Variants in AP4B1 observed in about 807,000 individuals in gnomAD.
The protein encoded by AP4B1 is AP-4 complex subunit beta-1.
In AP4B1, 49 loss-of-function variants were observed where a neutral mutation model predicts 76.5. That is an observed-to-expected ratio of 0.64 (90% confidence interval 0.51 to 0.81). The LOEUF is 0.81. Among genes scored for constraint, AP4B1 ranks in the 40% least tolerant of loss-of-function variants. The probability of loss-of-function intolerance (pLI) is 0.00; values close to 1 mark genes in which losing one functional copy is unlikely to be tolerated. For missense variants in AP4B1, 911 were observed against 904.9 expected (o/e 1.01, Z -0.09); for synonymous variants, 330 against 333.3 (o/e 0.99, Z 0.11).
At chr1:113,901,635 C>T (rs1668278484) in intron 3 of AP4B1, 120 bp downstream of exon 3, 1 of 1,458,892 alleles carries the variant, frequency 6.9e-7, no homozygotes, top group Non-Finnish European at 9.5e-7. Flanking sequence ...CTGCATCCTA[C>T]TTAAAGAGAT....
Position 113,900,032 on chromosome 1 carries a change from T to G in AP4B1, c.986A>C (p.Lys329Thr). ...FCSYSEPHYI[K>T]LQKVEVLCEL... ...ACACAGCACCTCCACTTTCTGTAGT[T>G]TGATGTAGTGGGGCTCCGAGTAGGA... Residue 329 changes from lysine (K) to threonine (T), a missense_variant, in exon 5 of 10, where the codon AAA becomes ACA. Physicochemically the swap from Lys to Thr is moderately conservative, Grantham distance 78. Transcript: ENST00000369569. 2 of 1,614,208 alleles carry G rather than the reference T, an allele frequency of 1.2e-6. No homozygotes were observed. The highest frequency in any genetic ancestry group is 1.7e-6 in the Non-Finnish European group (2 of 1,180,040).
At chr1:113,904,532 GAGACTGGGGCT>G in intron 1 of AP4B1, 62 bp downstream of exon 1, 1 of 1,401,210 alleles carries the variant, frequency 7.1e-7, no homozygotes, top group African/African-American at 1.4e-5. Flanking sequence ...CCCTTTCAGA[GAGACTGGGGCT>G]AGTGAGCCCT....
intron 3 of AP4B1, 55 bp from the exon 4 acceptor site, chr1:113,901,438 G>C: frequency 6.4e-7 from 1 of 1,573,844 alleles, no homozygotes; most frequent in Non-Finnish European, 8.7e-7. Flanking sequence ...GAGTAACAAG[G>C]ATGTAGCCAG....
rs976446728 is a variant in AP4B1 at position 113,902,665 on chromosome 1, A to G, written c.311T>C (p.Leu104Pro). The change falls in exon 2 of 10, where the codon CTG becomes CCG. Residue 104 changes from leucine (L) to proline (P), a missense_variant. Transcript: ENST00000369569. Reference protein sequence around the residue: ...CSDPNPMVRGLALRSMCSLRM... With the variant: ...CSDPNPMVRGPALRSMCSLRM... Reference sequence around the variant, plus strand: ...GAGGCTACACATGCTCCGTAACGCCAGCCCTCGCACCATTGGATTGGGGTC... The same window carrying G: ...GAGGCTACACATGCTCCGTAACGCCGGCCCTCGCACCATTGGATTGGGGTC... The G allele has an allele frequency of 1.2e-6, 2 of 1,613,522 alleles. No homozygotes were observed. Among genetic ancestry groups the G allele is most frequent in the African/African-American group, 2.7e-5 (2 of 74,932 alleles).
rs1308713892 is a variant in AP4B1 at position 113,894,616 on chromosome 1, G to A, written c.*449C>T. ...GAGTGGCAAGACTTGACACCAAAGA[G>A]GTACTTTAGATGACATTAAGGACTT... is the stretch of plus-strand genomic sequence containing the variant. On this transcript the variant is annotated 3_prime_UTR_variant, in exon 10 of 10. Coordinates refer to ENST00000369569, the MANE Select transcript of AP4B1 (RefSeq NM_001253852.3). 4 of 171,024 alleles carry A rather than the reference G, an allele frequency of 2.3e-5. No homozygotes were observed. In the East Asian group the frequency reaches 6.7e-4, roughly 29 times the overall value. 10.6% of individuals were successfully genotyped at this position (171,024 alleles called of 1,614,324 possible).
At position 113,895,443 on chromosome 1, in the gene AP4B1, A is replaced by G; in HGVS notation, c.1842T>C (p.Asp614=). 6.2e-7 allele frequency: 1 copy of G among 1,614,246 alleles called. No homozygotes were observed. The change falls in exon 10 of 10, where the codon GAT becomes GAC. Residue 614 remains aspartate (D), a synonymous_variant. Coordinates refer to ENST00000369569, the MANE Select transcript of AP4B1 (RefSeq NM_001253852.3). ...TGGGGACTAGCATGAGGGCTCCAGAATCAGGGAGTTCTTGTACCCTCTCCT... is the reference window on the plus strand; with the variant it reads ...TGGGGACTAGCATGAGGGCTCCAGAGTCAGGGAGTTCTTGTACCCTCTCCT... The part of the protein sequence containing the change: ...ENKERVQELP[D]SGALMLVPNR...
intron 6 of AP4B1, among the ~76,000 whole-genome samples, chr1:113,898,449 A>G (rs911981297): frequency 3.9e-5 from 6 of 152,190 alleles, no homozygotes; most frequent in Admixed American, 2.0e-4. Flanking sequence ...CCATAAAACA[A>G]AAAGAGAAGT....
At position 113,896,271 on chromosome 1, in the gene AP4B1, C is replaced by A. The variant is rs147573619; in HGVS notation, c.1497G>T (p.Leu499Phe). ...TGAAAAACCCACCTATGCAGTAATA[C>A]AACAAACGTCCTAGCATGTCCTGGC... Reference protein sequence around the residue: ...AECQDMLGRLLYYCIEEEKDM... With the variant: ...AECQDMLGRLFYYCIEEEKDM... Residue 499 changes from leucine (L) to phenylalanine (F), a missense_variant, in exon 8 of 10, where the codon TTG (leucine) becomes TTT (phenylalanine). By Grantham distance (22) the Leu-to-Phe change is conservative. Transcript: ENST00000369569. The A allele has an allele frequency of 1.2e-4, 200 of 1,614,166 alleles. No individual in the cohort carries two copies. Among genetic ancestry groups the A allele is most frequent in the South Asian group, 1.1e-3 (97 of 91,082 alleles).
At chr1:113,900,625 CA>C (rs1668121253) in intron 4 of AP4B1, 2 of 589,778 alleles carry the variant, frequency 3.4e-6, no homozygotes, top group East Asian at 6.0e-5. Context: ...CCTCTAAGAC[CA>C]AAGACATGAT....
Position 113,904,681 on chromosome 1 carries a change from G to T in AP4B1, c.37C>A (p.Leu13Met). The change falls in exon 1 of 10, where the codon CTG (leucine) becomes ATG (methionine). Residue 13 changes from leucine (L) to methionine (M), a missense_variant. Leu to Met is a conservative substitution (Grantham distance 15). Coordinates refer to ENST00000369569, the MANE Select transcript of AP4B1 (RefSeq NM_001253852.3). ...YLGSEDVVKE[L>M]KKALCNPHIQ... ...TGAGGATTGCACAGAGCCTTCTTCA[G>T]CTCCTTCACCACGTCCTCGGAGCCA... 2 of 1,612,836 alleles carry T rather than the reference G, an allele frequency of 1.2e-6. No homozygotes were observed. The highest frequency in any genetic ancestry group is 1.7e-6 in the Non-Finnish European group (2 of 1,180,024).
rs1443635469 is a variant in AP4B1, at chr1:113,894,961, T to C, written c.*104A>G. On this transcript the variant is annotated 3_prime_UTR_variant, in exon 10 of 10. Coordinates refer to ENST00000369569, the MANE Select transcript of AP4B1 (RefSeq NM_001253852.3). ...ATCCTGATTTCTAGATTTTCCACTCTCCTTTGTATCTGATATTATCTGGAC... is the reference window on the plus strand; with the variant it reads ...ATCCTGATTTCTAGATTTTCCACTCCCCTTTGTATCTGATATTATCTGGAC... 1.6e-6 allele frequency: 2 copies of C among 1,248,334 alleles called. No individual in the cohort carries two copies. Among genetic ancestry groups the C allele is most frequent in the African/African-American group, 3.0e-5 (2 of 65,618 alleles). 77.3% of individuals were successfully genotyped at this position (1,248,334 alleles called of 1,614,324 possible).
chr1:113,897,907 C>T lies in AP4B1; in HGVS notation c.1235G>A (p.Cys412Tyr), dbSNP rs1322643999. The part of the protein sequence containing the change: ...VQTFRDLVWL[C>Y]PQCTEAVCQA... ...ACATACAGCTTCAGTACACTGAGGACACAACCAAACCAGGTCTCGGAAAGT... is the reference window on the plus strand; with the variant it reads ...ACATACAGCTTCAGTACACTGAGGATACAACCAAACCAGGTCTCGGAAAGT... The change falls in exon 7 of 10, where the codon TGT (cysteine) becomes TAT (tyrosine). Residue 412 changes from cysteine (C) to tyrosine (Y), a missense_variant. Physicochemically the swap from Cys to Tyr is radical, Grantham distance 194. Transcript: ENST00000369569. 2 of 1,614,012 alleles carry T rather than the reference C, an allele frequency of 1.2e-6. No individual in the cohort carries two copies. The highest frequency in any genetic ancestry group is 1.7e-6 in the Non-Finnish European group (2 of 1,180,044).
chr1:113,895,512 TG>T lies in AP4B1; in HGVS notation c.1793-21del. ...AGGGTCCTAAAAGAGACAGAAAACT[TG>T]TGTGAAAGATGTTCTTAATCTGTAG... On this transcript the variant is annotated intron_variant, in intron 9 of 9. Coordinates refer to ENST00000369569, the MANE Select transcript of AP4B1 (RefSeq NM_001253852.3). 6.2e-7 allele frequency: 1 copy of T among 1,613,898 alleles called. No individual in the cohort carries two copies. Among genetic ancestry groups the T allele is most frequent in the Non-Finnish European group, 8.5e-7 (1 of 1,179,852 alleles).
intron 1 of AP4B1, among the ~76,000 whole-genome samples, chr1:113,904,400 C>T (rs950856064): frequency 3.9e-5 from 6 of 152,160 alleles, no homozygotes; most frequent in African/African-American, 1.4e-4. Context: ...TGCTCAAGCC[C>T]GTGATATGGA....
chr1:113,895,732 GA>G (rs1201211871), intron 9 of AP4B1, 24 bp downstream of exon 9: 3 of 1,613,606 alleles, frequency 1.9e-6, no homozygotes, highest in Non-Finnish European at 2.5e-6. Context: ...ATCATGACAA[GA>G]TTTAAGGTAA....
Position 113,894,332 on chromosome 1 carries a change from G to C in AP4B1, c.*733C>G, listed in dbSNP as rs1667257956. ...ATTACAATACTACTGCTAGAGGTAT[G>C]CTCTGGCTACTTTGATAGCTTGAGG... On this transcript the variant is annotated 3_prime_UTR_variant, in exon 10 of 10. Transcript: ENST00000369569. Among the ~76,000 whole-genome samples, 1 of 152,234 alleles carries C rather than the reference G, an allele frequency of 6.6e-6. No individual in the cohort carries two copies.
In AP4B1 at chr1:113,898,768, A is replaced by G. The variant is rs757927686; in HGVS notation, c.1148T>C (p.Val383Ala). 45 of 1,609,958 alleles carry G rather than the reference A, an allele frequency of 2.8e-5. No homozygotes were observed. The highest frequency in any genetic ancestry group is 3.1e-5 in the Non-Finnish European group (36 of 1,179,980). ...ACCCAGCAACTCTGTTAAAATCTGA[A>G]CACATTGATCTGTGTAAGTCCTGGC... is the stretch of plus-strand genomic sequence containing the variant. Reference protein sequence around the residue: ...GIARTYTDQCVQILTELLGLR... With the variant: ...GIARTYTDQCAQILTELLGLR... The change falls in exon 6 of 10, where the codon GTT becomes GCT. Residue 383 changes from valine to alanine, a missense_variant. Val to Ala is a moderately conservative substitution (Grantham distance 64). Transcript: ENST00000369569.
Position 113,895,487 on chromosome 1 carries a change from A to G in AP4B1, c.1798T>C (p.Leu600=), listed in dbSNP as rs1248407084. 1 of 1,614,234 alleles carries G rather than the reference A, an allele frequency of 6.2e-7. No individual in the cohort carries two copies. ...KTSSFAASGP[L]IPEENKERVQ... ...CTCTCCTTGTTCTCTTCAGGAATCA[A>G]GGGTCCTAAAAGAGACAGAAAACTT... The change falls in exon 10 of 10, where the codon TTG becomes CTG. Residue 600 remains leucine, a synonymous_variant. Transcript: ENST00000369569.
Position 113,894,233 on chromosome 1 carries a change from A to G in AP4B1, c.*832T>C, listed in dbSNP as rs915534060. The stretch of plus-strand genomic sequence containing the variant: ...TCATTTTATTAGATTTGTTCTTGCC[A>G]TAAGTTGCTTCAATGTACAAAATGT... On this transcript the variant is annotated 3_prime_UTR_variant, in exon 10 of 10. Transcript: ENST00000369569. Among the ~76,000 whole-genome samples, 4 of 152,256 alleles carry G rather than the reference A, an allele frequency of 2.6e-5. No homozygotes were observed. Among genetic ancestry groups the G allele is most frequent in the Admixed American group, 6.5e-5 (1 of 15,286 alleles).
Sources: allele counts gnomAD v4.1 joint callset (sites outside exome capture counted in the v4.1 genomes callset), GRCh38; gene constraint gnomAD v4.1.1; transcripts MANE v1.5; gene names NCBI Gene and HGNC (gene_info 2026-07-23, HGNC 2026-07-21).